BAZ2B: variants seen among roughly 807,000 people sequenced by gnomAD.
BAZ2B encodes bromodomain adjacent to zinc finger domain protein 2B.
In BAZ2B, 91 loss-of-function variants were observed where a neutral mutation model predicts 246.0. The ratio of observed to expected loss-of-function variants is 0.37; its 90% CI spans 0.31 to 0.44. BAZ2B has a LOEUF of 0.44. Among genes scored for constraint, BAZ2B ranks in the 20% least tolerant of loss-of-function variants. The probability of loss-of-function intolerance (pLI) is 1.00; values close to 1 mark genes in which losing one functional copy is unlikely to be tolerated. For synonymous variants in BAZ2B, 855 were observed against 860.0 expected, an observed-to-expected ratio of 0.99 and a Z score of 0.10; for missense variants, 2,332 against 2,533.7, an observed-to-expected ratio of 0.92 and a Z score of 1.71.
intron 10 of BAZ2B, among the ~76,000 whole-genome samples, chr2:159,430,398 C>T (rs182704355): frequency 2.6e-5 from 4 of 152,288 alleles, no homozygotes; most frequent in Admixed American, 2.0e-4. Context: ...GTATATAACA[C>T]ATACAACATA....
At chr2:159,594,717 C>T (rs1027766767) in intron 1 of BAZ2B, among the ~76,000 whole-genome samples, 4 of 152,024 alleles carry the variant, frequency 2.6e-5, no homozygotes, top group East Asian at 3.9e-4. Context: ...CTGCAGCCTC[C>T]GCCTCACAGG....
intron 1 of BAZ2B, among the ~76,000 whole-genome samples, chr2:159,582,443 C>T (rs1006585252): frequency 6.6e-6 from 1 of 152,146 alleles, no homozygotes; most frequent in Non-Finnish European, 1.5e-5. Flanking sequence ...CTGTAGCTCA[C>T]GCTGGAGTGG....
At chr2:159,429,291 A>G in intron 10 of BAZ2B, 31 bp from the exon 11 acceptor site, 2 of 1,287,780 alleles carry the variant, frequency 1.6e-6, no homozygotes, top group Non-Finnish European at 2.1e-6. Flanking sequence ...TTAATATAAA[A>G]CATTCATTAA....
chr2:159,410,889 A>G (rs2066727020), intron 14 of BAZ2B, among the ~76,000 whole-genome samples: 2 of 152,236 alleles, frequency 1.3e-5, no homozygotes, highest in Non-Finnish European at 2.9e-5. Context: ...GTCATCAAAA[A>G]GAGACTGACT....
chr2:159,667,808 G>A, the BAZ2B span, among the ~76,000 whole-genome samples: 1 of 151,906 alleles, frequency 6.6e-6, no homozygotes, highest in Non-Finnish European at 1.5e-5. Flanking sequence ...TTGAAGTCTT[G>A]AAATCTGGAT....
the BAZ2B span, among the ~76,000 whole-genome samples, chr2:159,707,417 T>A: frequency 6.6e-6 from 1 of 151,998 alleles, no homozygotes; most frequent in African/African-American, 2.4e-5. Flanking sequence ...AAAATATAGC[T>A]GTTGGCCTGG....
intron 10 of BAZ2B, 77 bp downstream of exon 10, chr2:159,430,786 C>T: frequency 2.0e-6 from 3 of 1,530,958 alleles, no homozygotes; most frequent in Non-Finnish European, 2.6e-6. Flanking sequence ...AGATCATCTC[C>T]AGAACACTCT....
At chr2:159,549,970 T>C (rs2087940634) in intron 2 of BAZ2B, among the ~76,000 whole-genome samples, 1 of 151,910 alleles carries the variant, frequency 6.6e-6, no homozygotes, top group South Asian at 2.1e-4. Flanking sequence ...ACTACAGGCA[T>C]GTGCCACCAC....
At chr2:159,689,421 G>C in the BAZ2B span, 2 of 242,160 alleles carry the variant, frequency 8.3e-6, no homozygotes, top group South Asian at 4.9e-5. Context: ...TCCCAGGCTA[G>C]AGTGCAGTGG....
chr2:159,439,251 G>T, intron 6 of BAZ2B, 39 bp from the exon 7 acceptor site: 5 of 1,526,430 alleles, frequency 3.3e-6, no homozygotes, highest in East Asian at 2.3e-5. Context: ...CTTTATTTTT[G>T]GAAAACATTC....
chr2:159,501,159 A>ATATATATTATATATATTT (rs2081704857), intron 2 of BAZ2B, among the ~76,000 whole-genome samples: 1 of 89,294 alleles, frequency 1.1e-5, no homozygotes, highest in Non-Finnish European at 2.2e-5. Flanking sequence ...AATATATATA[A>ATATATATTATATATATTT]ATATATAATA....
At chr2:159,515,834 A>G (rs974572381) in intron 2 of BAZ2B, among the ~76,000 whole-genome samples, 1 of 152,140 alleles carries the variant, frequency 6.6e-6, no homozygotes, top group Non-Finnish European at 1.5e-5. Context: ...CATAATTAAA[A>G]TTGAGATATT....
At chr2:159,473,216 G>A (rs1249808796) in intron 3 of BAZ2B, among the ~76,000 whole-genome samples, 1 of 152,144 alleles carries the variant, frequency 6.6e-6, no homozygotes, top group Non-Finnish European at 1.5e-5. Context: ...CATTTGGTTG[G>A]TAGACTACTA....
At chr2:159,502,032 T>C (rs1242904631) in intron 2 of BAZ2B, among the ~76,000 whole-genome samples, 1 of 152,146 alleles carries the variant, frequency 6.6e-6, no homozygotes, top group Admixed American at 6.5e-5. Flanking sequence ...TGGAAGAACC[T>C]TGAAAACACC....
intron 34 of BAZ2B, 146 bp from the exon 35 acceptor site, chr2:159,326,064 A>G (rs1248769775): frequency 1.4e-6 from 1 of 697,926 alleles, no homozygotes; most frequent in East Asian, 3.3e-5. Context: ...CTTAAGAAAG[A>G]TCTGTGTATT....
chr2:159,448,600 G>C (rs1474442713), intron 4 of BAZ2B, among the ~76,000 whole-genome samples, 191 bp from the exon 5 acceptor site: 1 of 152,042 alleles, frequency 6.6e-6, no homozygotes, highest in African/African-American at 2.4e-5. Flanking sequence ...CTTCTCATTA[G>C]GTCAGTATCT....
intron 31 of BAZ2B, among the ~76,000 whole-genome samples, chr2:159,342,979 C>T (rs1280973213): frequency 6.6e-6 from 1 of 152,100 alleles, no homozygotes; most frequent in East Asian, 1.9e-4. Flanking sequence ...GTAACAAGAA[C>T]AAAGCTGGAG....
intron 3 of BAZ2B, among the ~76,000 whole-genome samples, chr2:159,456,741 G>A (rs535138070): frequency 2.3e-4 from 35 of 152,232 alleles, no homozygotes; most frequent in Admixed American, 9.2e-4. Flanking sequence ...CATCCTTAGT[G>A]ACGACTGAGT....
chr2:159,637,391 GAA>G, the BAZ2B span, among the ~76,000 whole-genome samples: 1 of 152,298 alleles, frequency 6.6e-6, no homozygotes, highest in Admixed American at 6.5e-5. Flanking sequence ...GGCTTGAACT[GAA>G]CATCAGCTGT....
Sources: gnomAD v4.1 joint callset for allele counts (sites outside exome capture counted in the v4.1 genomes callset) on GRCh38, gnomAD v4.1.1 for gene constraint, MANE v1.5 for transcripts, NCBI Gene and HGNC (gene_info 2026-07-23, HGNC 2026-07-21) for gene names.